The following MGLL variants were observed in gnomAD, a reference collection of about 807,000 sequenced individuals.
MGLL encodes lysophospholipase homolog.
Under a neutral mutation model 29.1 loss-of-function variants are expected in MGLL, and 7 were observed. The observed-to-expected ratio is 0.24, with a 90% CI of 0.14 to 0.45. The LOEUF is 0.45. Among genes scored for constraint, MGLL ranks in the 20% least tolerant of loss-of-function variants. The pLI is 0.99. For synonymous variants in MGLL, 148 were observed against 168.3 expected, an observed-to-expected ratio of 0.88 and a Z score of 0.93; for missense variants, 356 against 413.6, an observed-to-expected ratio of 0.86 and a Z score of 1.21.
At chr3:127,821,539 G>A (rs1247692121) in intron 2 of MGLL, among the ~76,000 whole-genome samples, 155 bp downstream of exon 2, 8 of 152,162 alleles carry the variant, frequency 5.3e-5, no homozygotes, top group African/African-American at 1.9e-4. Context: ...ATACATTTTA[G>A]CTTTGTTAAC....
At chr3:127,755,438 T>G (rs1047850058) in intron 3 of MGLL, among the ~76,000 whole-genome samples, 3 of 152,124 alleles carry the variant, frequency 2.0e-5, no homozygotes, top group Non-Finnish European at 4.4e-5. Flanking sequence ...CCCCCAAACA[T>G]GGGAGACACG....
At chr3:127,776,715 C>G (rs1337361890) in intron 3 of MGLL, among the ~76,000 whole-genome samples, 1 of 152,194 alleles carries the variant, frequency 6.6e-6, no homozygotes, top group Non-Finnish European at 1.5e-5. Flanking sequence ...TGAGGGGACC[C>G]GGCAGTGCCC....
At chr3:127,821,888 G>A (rs1192268449) in intron 1 of MGLL, 50 bp from the exon 2 acceptor site, 2 of 1,581,356 alleles carry the variant, frequency 1.3e-6, no homozygotes, top group Admixed American at 1.7e-5. Flanking sequence ...TCAAGAACAT[G>A]TATGGATAGG....
Position 127,761,483 on chromosome 3 carries a change from A to G in MGLL, c.262+20306T>C, listed in dbSNP as rs958478942. On this transcript the variant is annotated intron_variant, in intron 3 of 7. Transcript: ENST00000265052. This position sits in a 1 kb window ranked among gnomAD's most constrained non-coding sequence, Gnocchi z 4.6. ...AGGGTGGAAGCCACAGAACACTCAGAGACAGCAGTCAAAGAGGCCACTTCT... is the reference window on the plus strand; with the variant it reads ...AGGGTGGAAGCCACAGAACACTCAGGGACAGCAGTCAAAGAGGCCACTTCT... 1.3e-5 allele frequency among the ~76,000 whole-genome samples: 2 copies of G among 152,258 alleles called. No individual in the cohort carries two copies. The highest frequency in any genetic ancestry group is 1.3e-4 in the Admixed American group (2 of 15,294).
chr3:127,790,377 G>A (rs928829545), intron 2 of MGLL, among the ~76,000 whole-genome samples: 6 of 152,094 alleles, frequency 3.9e-5, no homozygotes, highest in African/African-American at 1.2e-4. Flanking sequence ...TTAGGAATTG[G>A]GCATGGAGCT....
intron 2 of MGLL, among the ~76,000 whole-genome samples, chr3:127,805,874 A>G (rs2077556429): frequency 1.3e-5 from 2 of 152,220 alleles, no homozygotes; most frequent in African/African-American, 2.4e-5. Context: ...GGGCCTTCCA[A>G]AGAGATTCGT....
chr3:127,731,529 A>G (rs1055154235), intron 3 of MGLL, among the ~76,000 whole-genome samples: 1 of 152,064 alleles, frequency 6.6e-6, no homozygotes, highest in African/African-American at 2.4e-5. Flanking sequence ...ATGGGACTTC[A>G]ATTGCCTTTA....
At chr3:127,721,315 T>C in intron 4 of MGLL, 152 bp from the exon 5 acceptor site, 2 of 655,418 alleles carry the variant, frequency 3.1e-6, no homozygotes, top group Non-Finnish European at 5.4e-6. Context: ...AAATGTTGGC[T>C]AAACTAGATC....
intron 3 of MGLL, among the ~76,000 whole-genome samples, chr3:127,755,141 C>T (rs544753822): frequency 6.6e-6 from 1 of 152,216 alleles, no homozygotes; most frequent in South Asian, 2.1e-4. Context: ...AGGGGATGCC[C>T]CATGCATTGC....
chr3:127,721,700 G>T (rs2075929221), intron 4 of MGLL, among the ~76,000 whole-genome samples: 2 of 152,140 alleles, frequency 1.3e-5, no homozygotes, highest in Non-Finnish European at 2.9e-5. Context: ...AAAAGCAAGG[G>T]TTGCAACCGC....
chr3:127,722,688 A>C (rs879096095), intron 3 of MGLL, 122 bp from the exon 4 acceptor site: 385 of 1,334,264 alleles, frequency 2.9e-4, no homozygotes, highest in Admixed American at 4.3e-4. Context: ...ACCTCATTTA[A>C]CCCTTTCCAG....
intron 3 of MGLL, among the ~76,000 whole-genome samples, chr3:127,779,010 C>T (rs924576820): frequency 5.9e-5 from 9 of 152,224 alleles, no homozygotes; most frequent in African/African-American, 2.2e-4. Flanking sequence ...CCACCTCAGC[C>T]TCCCAAAGTG....
In MGLL at chr3:127,721,095, C is replaced by G. The variant is rs762210850; in HGVS notation, c.468G>C (p.Ser156=). The G allele has an allele frequency of 4.3e-6, 7 of 1,614,222 alleles. No homozygotes were observed. The East Asian group carries it at 1.6e-4, about 36-fold the overall frequency. Reference sequence around the variant, plus strand: ...ATTCAGGATTGGCAAGAACCAGAGGCGAAATGAGTACCATGCCGGCGAAGT... The same window carrying G: ...ATTCAGGATTGGCAAGAACCAGAGGGGAAATGAGTACCATGCCGGCGAAGT... ...PGHFAGMVLI[S]PLVLANPESA... The change falls in exon 5 of 8, where the codon TCG becomes TCC. Residue 156 remains serine (S), a synonymous_variant. Coordinates refer to ENST00000265052, the MANE Select transcript of MGLL (RefSeq NM_007283.7).
chr3:127,725,137 C>A (rs1051052546), intron 3 of MGLL, among the ~76,000 whole-genome samples: 3 of 152,098 alleles, frequency 2.0e-5, no homozygotes, highest in Non-Finnish European at 4.4e-5. Flanking sequence ...CCCCAGTAAG[C>A]CTTTACCCCA....
At chr3:127,763,044 T>C (rs1289920535) in intron 3 of MGLL, among the ~76,000 whole-genome samples, 3 of 152,168 alleles carry the variant, frequency 2.0e-5, no homozygotes, top group East Asian at 3.9e-4. Context: ...GTCACTCTGA[T>C]TGGGGAAAGA....
intron 2 of MGLL, among the ~76,000 whole-genome samples, chr3:127,816,399 C>T (rs930662408): frequency 2.0e-5 from 3 of 152,136 alleles, no homozygotes; most frequent in Non-Finnish European, 2.9e-5. Context: ...AAAGCCAGTC[C>T]CACCTTTGAG....
intron 6 of MGLL, among the ~76,000 whole-genome samples, chr3:127,697,356 A>C (rs891506726): frequency 6.6e-6 from 1 of 152,242 alleles, no homozygotes; most frequent in Non-Finnish European, 1.5e-5. Flanking sequence ...TAATAGCTAC[A>C]TCTGAGCTCT....
Position 127,689,160 on chromosome 3 carries a change from C to G in MGLL, c.*3038G>C. The stretch of plus-strand genomic sequence containing the variant: ...ATATGTGCCCCGCAGACAGTATACA[C>G]GCAGGGATGTGACTGAGCCACAGTG... On this transcript the variant is annotated 3_prime_UTR_variant, in exon 8 of 8. Coordinates refer to ENST00000265052, the MANE Select transcript of MGLL (RefSeq NM_007283.7). 1 of 152,360 alleles carries G rather than the reference C, an allele frequency of 6.6e-6. No homozygotes were observed. The allele number at this position is 152,360 out of a possible 1,614,324, so 9.4% of individuals were successfully genotyped here.
At chr3:127,693,470 G>A (rs782442) in intron 7 of MGLL, among the ~76,000 whole-genome samples, 29,329 of 152,096 alleles carry the variant, frequency 0.19, 4,254 homozygotes, top group African/African-American at 0.41. Context: ...CGCCACCAGC[G>A]TCCCTGACTG....
Sources: gnomAD v4.1 joint callset for allele counts (sites outside exome capture counted in the v4.1 genomes callset) on GRCh38, gnomAD v4.1.1 for gene constraint, Gnocchi (gnomAD v3.1) non-coding constraint, MANE v1.5 for transcripts, NCBI Gene and HGNC (gene_info 2026-07-23, HGNC 2026-07-21) for gene names.